Variants in GPHN observed in about 807,000 individuals in gnomAD.
The protein encoded by GPHN is gephyrin.
Under a neutral mutation model 95.5 loss-of-function variants are expected in GPHN, and 17 were observed. That is an observed-to-expected ratio of 0.18 (90% CI 0.12 to 0.27). The LOEUF (loss-of-function observed/expected upper bound fraction) is 0.27. Ranked by LOEUF, GPHN falls within the 10% of genes least tolerant of loss-of-function variation. The pLI is 1.00. For synonymous variants in GPHN, 320 were observed against 322.5 expected (o/e 0.99, Z 0.08); for missense variants, 660 against 978.1 (o/e 0.67, Z 4.34).
chr14:66,798,544 A>T (rs1389557801), intron 3 of GPHN, among the ~76,000 whole-genome samples: 1 of 151,802 alleles, frequency 6.6e-6, no homozygotes, highest in East Asian at 1.9e-4. Context: ...ATGTTAGGTT[A>T]TACATATCTA....
chr14:67,364,799 A>G, the GPHN span: 3 of 1,613,810 alleles, frequency 1.9e-6, no homozygotes, highest in Non-Finnish European at 2.5e-6. Context: ...TTTTATCAAC[A>G]CAAATTTCCT....
At chr14:66,684,578 A>G (rs749029681) in intron 2 of GPHN, among the ~76,000 whole-genome samples, 14 of 152,158 alleles carry the variant, frequency 9.2e-5, no homozygotes, top group Non-Finnish European at 1.6e-4. Flanking sequence ...CTTTAACTGT[A>G]TAGTACATAC....
chr14:67,368,439 G>A, the GPHN span, among the ~76,000 whole-genome samples: 2 of 152,112 alleles, frequency 1.3e-5, no homozygotes, highest in Non-Finnish European at 2.9e-5. Flanking sequence ...ACAAATGTCA[G>A]AGCCTCAAGA....
intron 8 of GPHN, among the ~76,000 whole-genome samples, chr14:66,951,160 A>T (rs988594491): frequency 5.9e-5 from 9 of 152,036 alleles, no homozygotes; most frequent in African/African-American, 2.2e-4. Context: ...TCCTGACCTC[A>T]GGTGATCCAC....
At chr14:67,466,270 G>A in the GPHN span, among the ~76,000 whole-genome samples, 11 of 152,336 alleles carry the variant, frequency 7.2e-5, no homozygotes, top group East Asian at 2.1e-3. Context: ...CTCCTTCTCT[G>A]TAATGTTTGG....
intron 10 of GPHN, among the ~76,000 whole-genome samples, chr14:67,026,735 C>A (rs1373416071): frequency 6.6e-6 from 1 of 152,138 alleles, no homozygotes; most frequent in African/African-American, 2.4e-5. Context: ...CTCCGCCTCC[C>A]GGGTTCACGC....
chr14:67,445,577 C>CTTTT, the GPHN span, among the ~76,000 whole-genome samples: 833 of 59,910 alleles, frequency 0.014, 153 homozygotes, highest in African/African-American at 0.053. Context: ...AGAGGCAATT[C>CTTTT]TTTTTTTTTT....
chr14:66,642,742 T>A (rs2064496074), intron 1 of GPHN, among the ~76,000 whole-genome samples: 1 of 152,056 alleles, frequency 6.6e-6, no homozygotes, highest in Admixed American at 6.5e-5. Flanking sequence ...TCTACCTGAT[T>A]TATGACTGAT....
the GPHN span, among the ~76,000 whole-genome samples, chr14:67,295,259 T>C: frequency 1.3e-5 from 2 of 150,350 alleles, no homozygotes; most frequent in Non-Finnish European, 3.0e-5. Flanking sequence ...CCAAGGCGGG[T>C]GGATCATTTG....
chr14:67,264,760 T>A, the GPHN span, among the ~76,000 whole-genome samples: 1 of 152,196 alleles, frequency 6.6e-6, no homozygotes, highest in East Asian at 1.9e-4. Flanking sequence ...CCTAGAATCA[T>A]GGGGTGAGAA....
At chr14:67,394,220 G>A in the GPHN span, among the ~76,000 whole-genome samples, 1 of 152,174 alleles carries the variant, frequency 6.6e-6, no homozygotes, top group Non-Finnish European at 1.5e-5. Flanking sequence ...CCAAAGAGGT[G>A]TGACTTTTAA....
the GPHN span, among the ~76,000 whole-genome samples, chr14:67,380,096 C>G: frequency 6.6e-6 from 1 of 152,110 alleles, no homozygotes; most frequent in Non-Finnish European, 1.5e-5. Context: ...TCTACCTTTA[C>G]TTTTTACAGT....
At chr14:67,343,226 G>A in the GPHN span, 3 of 523,902 alleles carry the variant, frequency 5.7e-6, no homozygotes, top group Admixed American at 1.1e-4. Context: ...TTTTTACTAT[G>A]GACACACTTC....
intron 4 of GPHN, among the ~76,000 whole-genome samples, chr14:66,874,560 T>C (rs547095088): frequency 6.6e-6 from 1 of 152,184 alleles, no homozygotes; most frequent in East Asian, 1.9e-4. Context: ...GAGAAGAACA[T>C]AAATGACCTG....
intron 5 of GPHN, among the ~76,000 whole-genome samples, chr14:66,911,690 C>T (rs1471858192): frequency 3.3e-5 from 5 of 149,862 alleles, no homozygotes; most frequent in Admixed American, 6.6e-5. Flanking sequence ...TTTTCATATT[C>T]TTCTATTCTC....
chr14:66,533,606 C>T (rs1466891154), intron 1 of GPHN, among the ~76,000 whole-genome samples: 1 of 152,138 alleles, frequency 6.6e-6, no homozygotes, highest in African/African-American at 2.4e-5. Flanking sequence ...GAATGAATAA[C>T]TTATCCTTAG....
chr14:66,676,770 T>C (rs530044603), intron 1 of GPHN, among the ~76,000 whole-genome samples: 1 of 151,956 alleles, frequency 6.6e-6, no homozygotes, highest in Middle Eastern at 3.4e-3. Flanking sequence ...ACCTCTAGTT[T>C]TTTTTGTGAT....
the GPHN span, among the ~76,000 whole-genome samples, chr14:67,240,757 C>A: frequency 6.6e-6 from 1 of 152,120 alleles, no homozygotes; most frequent in African/African-American, 2.4e-5. Flanking sequence ...GGCTGATCTG[C>A]GTAACTCTGT....
chr14:66,710,302 T>G (rs1178014810), intron 2 of GPHN, among the ~76,000 whole-genome samples: 2 of 152,180 alleles, frequency 1.3e-5, no homozygotes, highest in Admixed American at 6.6e-5. Context: ...CTCCTCTGTT[T>G]ATAAATTTCA....
Sources: allele counts gnomAD v4.1 joint callset (sites outside exome capture counted in the v4.1 genomes callset), GRCh38; gene constraint gnomAD v4.1.1; transcripts MANE v1.5; gene names NCBI Gene and HGNC (gene_info 2026-07-23, HGNC 2026-07-21).